Variants in OPCML observed in about 807,000 individuals in gnomAD.
OPCML encodes opioid-binding protein/cell adhesion molecule.
Under a neutral mutation model 37.8 loss-of-function variants are expected in OPCML, and 13 were observed. The observed-to-expected ratio is 0.34, with a 90% confidence interval of 0.22 to 0.55. The LOEUF is 0.55. OPCML is among the 20% of genes least tolerant of loss of function. The probability of loss-of-function intolerance (pLI) is 0.91; values close to 1 mark genes in which losing one functional copy is unlikely to be tolerated. For missense variants in OPCML, 341 were observed against 435.6 expected (o/e 0.78, Z 1.93); for synonymous variants, 176 against 168.8 (o/e 1.04, Z -0.33).
chr11:133,308,322 T>G (rs1337695100), intron 1 of OPCML, among the ~76,000 whole-genome samples: 1 of 152,138 alleles, frequency 6.6e-6, no homozygotes, highest in African/African-American at 2.4e-5. Flanking sequence ...TTTTTTTCCT[T>G]ATAGGATTAA....
chr11:132,641,199 A>AGTG (rs1250997103), intron 3 of OPCML, among the ~76,000 whole-genome samples: 58 of 152,258 alleles, frequency 3.8e-4, no homozygotes, highest in African/African-American at 1.3e-3. Flanking sequence ...ATGACGGTAA[A>AGTG]GTGGCTTTGT....
chr11:132,685,096 A>T (rs1943110005), intron 2 of OPCML, among the ~76,000 whole-genome samples: 1 of 152,198 alleles, frequency 6.6e-6, no homozygotes, highest in Non-Finnish European at 1.5e-5. Flanking sequence ...TGTCAATGTA[A>T]CTTTTAAATG....
intron 1 of OPCML, among the ~76,000 whole-genome samples, chr11:133,284,586 T>A (rs1022092136): frequency 1.3e-5 from 2 of 152,194 alleles, no homozygotes; most frequent in East Asian, 3.9e-4. Flanking sequence ...GAAACTGGGA[T>A]ACTGGGAATT....
intron 3 of OPCML, among the ~76,000 whole-genome samples, chr11:132,544,736 TTCCCTGGGCC>T (rs1367280925): frequency 6.6e-6 from 1 of 152,160 alleles, no homozygotes; most frequent in African/African-American, 2.4e-5. Flanking sequence ...TTCGCTGGCC[TTCCCTGGGCC>T]TCCAGGGTCA....
In OPCML at chr11:133,451,649, C is replaced by T. The variant is rs184449473; in HGVS notation, c.61+80615G>A. On this transcript the variant is annotated intron_variant, in intron 1 of 7. Transcript: ENST00000524381. ...CCTGAGGTCAGGAGTTTGACACCAG[C>T]CTGGCCAAAGTGGTGAAACCCTGTC... Among the ~76,000 whole-genome samples the T allele has an allele frequency of 2.4e-3, 363 of 150,508 alleles. 8 individuals are homozygous for T. The highest frequency in any genetic ancestry group is 8.6e-3 in the African/African-American group (342 of 39,924).
intron 1 of OPCML, among the ~76,000 whole-genome samples, chr11:133,020,026 C>T (rs1173788360): frequency 1.3e-5 from 2 of 152,220 alleles, no homozygotes; most frequent in South Asian, 4.1e-4. Flanking sequence ...TTAAGGAGAT[C>T]AATTCCTGTT....
In OPCML at chr11:132,657,107, C is replaced by G. The variant is rs754769976; in HGVS notation, c.359G>C (p.Arg120Pro). 1 of 1,614,170 alleles carries G rather than the reference C, an allele frequency of 6.2e-7. No homozygotes were observed. The highest frequency in any genetic ancestry group is 1.1e-5 in the South Asian group (1 of 91,080). The change falls in exon 3 of 8, where the codon CGG becomes CCG. Residue 120 changes from arginine to proline, a missense_variant. Coordinates refer to ENST00000524381, the MANE Select transcript of OPCML (RefSeq NM_001012393.5). The stretch of plus-strand genomic sequence containing the variant: ...CTTACCTTGCACTATTAGGTGAACC[C>G]GGGACGTTTTGGGATGATTGTCTGT... ...VQTDNHPKTS[R>P]VHLIVQVPPQ...
intron 1 of OPCML, among the ~76,000 whole-genome samples, chr11:133,052,936 A>G (rs1448298069): frequency 6.6e-6 from 1 of 152,164 alleles, no homozygotes; most frequent in Non-Finnish European, 1.5e-5. Context: ...CTTCTTAGAG[A>G]CTTTTGAGAT....
chr11:133,315,822 C>T (rs554321050), intron 1 of OPCML, among the ~76,000 whole-genome samples: 1 of 152,178 alleles, frequency 6.6e-6, no homozygotes, highest in Middle Eastern at 3.4e-3. Context: ...AATTCATGTC[C>T]CTCTTCACCT....
intron 3 of OPCML, among the ~76,000 whole-genome samples, chr11:132,557,140 C>T (rs2137471259): frequency 6.6e-6 from 1 of 152,082 alleles, no homozygotes. Flanking sequence ...ATAACAATAC[C>T]ATTTTTACCT....
intron 3 of OPCML, among the ~76,000 whole-genome samples, chr11:132,590,753 G>A (rs141485710): frequency 5.3e-5 from 8 of 152,242 alleles, no homozygotes; most frequent in African/African-American, 1.9e-4. Flanking sequence ...CAGTTAAGCG[G>A]TGACCAGGGT....
At chr11:132,579,964 C>T (rs2096458968) in intron 3 of OPCML, among the ~76,000 whole-genome samples, 1 of 152,136 alleles carries the variant, frequency 6.6e-6, no homozygotes, top group African/African-American at 2.4e-5. Flanking sequence ...TTACGCCTTC[C>T]CTGGTATGAG....
intron 1 of OPCML, among the ~76,000 whole-genome samples, chr11:132,956,190 G>A (rs551050434): frequency 6.6e-6 from 1 of 152,214 alleles, no homozygotes; most frequent in South Asian, 2.1e-4. Context: ...AGTTTGTTTT[G>A]TGCCCATACA....
At chr11:132,509,980 C>T (rs542915969) in intron 4 of OPCML, among the ~76,000 whole-genome samples, 1 of 152,178 alleles carries the variant, frequency 6.6e-6, no homozygotes, top group Non-Finnish European at 1.5e-5. Flanking sequence ...TACTCAATGC[C>T]TGCTCGTGAA....
chr11:132,497,560 G>A lies in OPCML; in HGVS notation c.505+31501C>T, dbSNP rs543118541. Among the ~76,000 whole-genome samples the A allele has an allele frequency of 2.6e-4, 40 of 152,134 alleles. 1 individual carries two copies. Among genetic ancestry groups the A allele is most frequent in the Non-Finnish European group, 5.4e-4 (37 of 68,028 alleles). On this transcript the variant is annotated intron_variant, in intron 4 of 7. Transcript: ENST00000524381. ...GATTCGGAAGCCTTCTGGGCAGAGAGCAGAAAGAAGTATTGGAGTGATCCA... is the reference window on the plus strand; with the variant it reads ...GATTCGGAAGCCTTCTGGGCAGAGAACAGAAAGAAGTATTGGAGTGATCCA...
intron 3 of OPCML, among the ~76,000 whole-genome samples, chr11:132,623,301 T>C (rs1185171130): frequency 6.6e-6 from 1 of 152,024 alleles, no homozygotes; most frequent in East Asian, 1.9e-4. Context: ...CTGGAAATTT[T>C]AAATGGCTCC....
chr11:133,418,741 G>A (rs890735369), intron 1 of OPCML, among the ~76,000 whole-genome samples: 2 of 152,218 alleles, frequency 1.3e-5, no homozygotes, highest in Non-Finnish European at 2.9e-5. Context: ...AGAGGGGCAT[G>A]AATTTTGCTA....
intron 2 of OPCML, among the ~76,000 whole-genome samples, chr11:132,856,426 G>C (rs753372849): frequency 6.6e-6 from 1 of 152,076 alleles, no homozygotes; most frequent in East Asian, 1.9e-4. Flanking sequence ...GAGGCCCCCC[G>C]CTCCAGGAAT....
In OPCML at chr11:132,784,840, A is replaced by G. The variant is rs934791707; in HGVS notation, c.147-127521T>C. On this transcript the variant is annotated intron_variant, in intron 2 of 7. Transcript: ENST00000524381. Reference sequence around the variant, plus strand: ...CTCCTTCACTTTCTACCATGATTGGAAGCTCCCTGAGGTTCTCACCAGAAG... The same window carrying G: ...CTCCTTCACTTTCTACCATGATTGGGAGCTCCCTGAGGTTCTCACCAGAAG... Among the ~76,000 whole-genome samples the G allele has an allele frequency of 5.9e-5, 9 of 152,092 alleles. 1 individual carries two copies. The South Asian group carries it at 8.3e-4, about 14-fold the overall frequency.
Sources: gnomAD v4.1 joint callset for allele counts (sites outside exome capture counted in the v4.1 genomes callset) on GRCh38, gnomAD v4.1.1 for gene constraint, MANE v1.5 for transcripts, NCBI Gene and HGNC (gene_info 2026-07-23, HGNC 2026-07-21) for gene names.